Variants in ARHGEF10L observed in about 807,000 individuals in gnomAD.
ARHGEF10L encodes rho guanine nucleotide exchange factor 10-like protein.
Under a neutral mutation model 141.2 loss-of-function variants are expected in ARHGEF10L, and 69 were observed. That is an observed-to-expected ratio of 0.49 (90% confidence interval 0.40 to 0.60). The LOEUF (loss-of-function observed/expected upper bound fraction) is 0.60, where lower values mean the gene tolerates loss of function less well. Among genes scored for constraint, ARHGEF10L ranks in the 20% least tolerant of loss-of-function variants. ARHGEF10L has a pLI of 0.00. For synonymous variants in ARHGEF10L, 711 were observed against 718.5 expected, an observed-to-expected ratio of 0.99 and a Z score of 0.17; for missense variants, 1,482 against 1,734.3, an observed-to-expected ratio of 0.85 and a Z score of 2.58.
At chr1:17,602,551 G>A (rs1202728542) in intron 5 of ARHGEF10L, among the ~76,000 whole-genome samples, 1 of 152,202 alleles carries the variant, frequency 6.6e-6, no homozygotes, top group Non-Finnish European at 1.5e-5. Flanking sequence ...CTGCCCAGAT[G>A]AGCCCTCCAG....
chr1:17,568,237 T>C (rs1182774654), intron 1 of ARHGEF10L, among the ~76,000 whole-genome samples: 3 of 152,188 alleles, frequency 2.0e-5, no homozygotes, highest in East Asian at 1.9e-4. Flanking sequence ...TCAACAAACA[T>C]TTATTGAGCA....
chr1:17,613,719 T>G (rs1183756563), intron 8 of ARHGEF10L, among the ~76,000 whole-genome samples: 1 of 152,250 alleles, frequency 6.6e-6, no homozygotes, highest in Non-Finnish European at 1.5e-5. Context: ...TGGATGATGA[T>G]ATCGACAACA....
rs528378850 is a variant in ARHGEF10L at position 17,654,432 on chromosome 1, G to C, written c.2395-204G>C. ...GCCTCTTGCAGGCCTCTTCTAGCCG[G>C]AAGGTTCTAGGAAAGGAAGAACAAA... On this transcript the variant is annotated intron_variant, in intron 22 of 28. Coordinates refer to ENST00000361221, the MANE Select transcript of ARHGEF10L (RefSeq NM_018125.4). The surrounding 1 kb of genome is among the most constrained non-coding windows in gnomAD (Gnocchi z 4.3). Among the ~76,000 whole-genome samples, 5 of 152,170 alleles carry C rather than the reference G, an allele frequency of 3.3e-5. No homozygotes were observed. The highest frequency in any genetic ancestry group is 4.8e-5 in the African/African-American group (2 of 41,426).
At chr1:17,661,657 C>G (rs2062631470) in intron 25 of ARHGEF10L, among the ~76,000 whole-genome samples, 1 of 152,222 alleles carries the variant, frequency 6.6e-6, no homozygotes, top group Non-Finnish European at 1.5e-5. Flanking sequence ...GCATCCCTAG[C>G]TGCTTTTTCC....
At chr1:17,548,130 A>G (rs867817832) in intron 1 of ARHGEF10L, among the ~76,000 whole-genome samples, 3 of 152,286 alleles carry the variant, frequency 2.0e-5, no homozygotes, top group African/African-American at 7.2e-5. Context: ...AAAGCTTAGT[A>G]ATGTTGGCTT....
At chr1:17,535,818 T>C (rs1401416001), upstream of ARHGEF10L, among the ~76,000 whole-genome samples, 2 of 152,206 alleles carry the variant, frequency 1.3e-5, no homozygotes, top group Non-Finnish European at 2.9e-5. Flanking sequence ...ACTCATCTAT[T>C]CAGCACATAT....
At position 17,634,997 on chromosome 1, in the gene ARHGEF10L, T is replaced by C. The variant is rs1168229268; in HGVS notation, c.1908T>C (p.Ser636=). ...LIQHSGAKKA[S]ASGQAQNKVY... is the part of the protein sequence containing the mutation. ...AGCACTCAGGCGCCAAGAAGGCCTC[T>C]GCCTCAGGGCAGGCTCAGAGTGAGT... Residue 636 remains serine, a synonymous_variant, in exon 18 of 29, where the codon TCT becomes TCC. Transcript: ENST00000361221. 1 of 1,613,966 alleles carries C rather than the reference T, an allele frequency of 6.2e-7. No individual in the cohort carries two copies.
upstream of ARHGEF10L, among the ~76,000 whole-genome samples, chr1:17,538,541 G>A (rs752856057): frequency 6.6e-6 from 1 of 152,102 alleles, no homozygotes; most frequent in Non-Finnish European, 1.5e-5. Context: ...TCAGTGCGTG[G>A]CCTGTGTGGC....
chr1:17,565,267 C>T (rs2077704358), intron 1 of ARHGEF10L, among the ~76,000 whole-genome samples: 1 of 152,206 alleles, frequency 6.6e-6, no homozygotes, highest in African/African-American at 2.4e-5. Flanking sequence ...TAATCCATCA[C>T]CTTGGGGGTG....
rs1198081231 is a variant in ARHGEF10L, at chr1:17,574,840, C to T, written c.-43-5713C>T. On this transcript the variant is annotated intron_variant, in intron 1 of 28. Coordinates refer to ENST00000361221, the MANE Select transcript of ARHGEF10L (RefSeq NM_018125.4). Reference sequence around the variant, plus strand: ...TTCTCTGTCAGGAGACCCCGCCCCACTTCCTGTTCCAGCTCCATTGTGTGG... The same window carrying T: ...TTCTCTGTCAGGAGACCCCGCCCCATTTCCTGTTCCAGCTCCATTGTGTGG... 6.6e-5 allele frequency among the ~76,000 whole-genome samples: 10 copies of T among 152,366 alleles called. No individual in the cohort carries two copies. The East Asian group carries it at 9.6e-4, about 15-fold the overall frequency.
chr1:17,624,546 G>A, intron 13 of ARHGEF10L, 43 bp downstream of exon 13: 4 of 1,534,330 alleles, frequency 2.6e-6, no homozygotes, highest in Non-Finnish European at 2.7e-6. Flanking sequence ...GGGTGGGCAG[G>A]GAGATTGCTC....
At chr1:17,592,722 C>T (rs930215987) in intron 4 of ARHGEF10L, among the ~76,000 whole-genome samples, 3 of 152,088 alleles carry the variant, frequency 2.0e-5, no homozygotes, top group Non-Finnish European at 4.4e-5. Flanking sequence ...CCCAGATTGC[C>T]GCAGACCTAG....
At chr1:17,536,008 C>T (rs993443742), upstream of ARHGEF10L, among the ~76,000 whole-genome samples, 1 of 152,188 alleles carries the variant, frequency 6.6e-6, no homozygotes, top group East Asian at 1.9e-4. Context: ...CAGGTAGGGG[C>T]CTGGGGCCCA....
chr1:17,523,431 C>G, the ARHGEF10L span, among the ~76,000 whole-genome samples: 1 of 152,156 alleles, frequency 6.6e-6, no homozygotes, highest in African/African-American at 2.4e-5. Flanking sequence ...CACCGTATAC[C>G]AAGCTCTGTG....
At chr1:17,638,162 A>G (rs1400305192) in intron 19 of ARHGEF10L, among the ~76,000 whole-genome samples, 159 bp downstream of exon 19, 1 of 152,212 alleles carries the variant, frequency 6.6e-6, no homozygotes, top group Non-Finnish European at 1.5e-5. Flanking sequence ...CTGAAGCTCC[A>G]TGTCCCTGCC....
intron 27 of ARHGEF10L, chr1:17,691,188 C>A: frequency 2.2e-6 from 1 of 451,442 alleles, no homozygotes; most frequent in South Asian, 1.6e-5. Flanking sequence ...AGATAGATGG[C>A]TTGGGTGAGT....
At chr1:17,564,149 G>A (rs1272235058) in intron 1 of ARHGEF10L, among the ~76,000 whole-genome samples, 1 of 152,210 alleles carries the variant, frequency 6.6e-6, no homozygotes, top group Non-Finnish European at 1.5e-5. Flanking sequence ...GCTCTGGCCT[G>A]CACAGTGGGG....
At chr1:17,626,166 A>C (rs1439423360) in intron 14 of ARHGEF10L, 118 bp downstream of exon 14, 2 of 769,578 alleles carry the variant, frequency 2.6e-6, no homozygotes, top group Non-Finnish European at 4.3e-6. Flanking sequence ...AACCCACCCA[A>C]CCTGCTGTGG....
At position 17,616,043 on chromosome 1, in the gene ARHGEF10L, C is replaced by G. The variant is rs1489746648; in HGVS notation, c.727-51C>G. The stretch of plus-strand genomic sequence containing the variant: ...TGGGGAGGCGGGTGGCCCTCGGTAG[C>G]AGGCATCCCAGGCCGTCCCTTCCCT... On this transcript the variant is annotated intron_variant, in intron 8 of 28. Transcript: ENST00000361221. 2.6e-6 allele frequency: 4 copies of G among 1,526,092 alleles called. No individual in the cohort carries two copies. The African/African-American group carries it at 4.1e-5, about 16-fold the overall frequency. The allele number at this position is 1,526,092 out of a possible 1,614,324, so 94.5% of individuals were successfully genotyped here.
Sources: gnomAD v4.1 joint callset for allele counts (sites outside exome capture counted in the v4.1 genomes callset) on GRCh38, gnomAD v4.1.1 for gene constraint, Gnocchi (gnomAD v3.1) non-coding constraint, MANE v1.5 for transcripts, NCBI Gene and HGNC (gene_info 2026-07-23, HGNC 2026-07-21) for gene names.